PRDM16: variants seen among roughly 807,000 people sequenced by gnomAD.
The protein encoded by PRDM16 is PR/SET domain 16.
Under a neutral mutation model 110.6 loss-of-function variants are expected in PRDM16, and 23 were observed. That is an observed-to-expected ratio of 0.21 (90% CI 0.15 to 0.29). The LOEUF (loss-of-function observed/expected upper bound fraction) is 0.29. Among genes scored for constraint, PRDM16 ranks in the 10% least tolerant of loss-of-function variants. The pLI, the probability that PRDM16 is intolerant of heterozygous loss-of-function variation, is 1.00. For synonymous variants in PRDM16, 799 were observed against 781.8 expected (o/e 1.02, Z -0.37); for missense variants, 1,615 against 1,794.3 (o/e 0.90, Z 1.81).
chr1:3,396,279 C>A, intron 4 of PRDM16: 2 of 629,224 alleles, frequency 3.2e-6, no homozygotes, highest in African/African-American at 3.6e-5. Flanking sequence ...TTATGAATAT[C>A]CTAAAACCCA....
rs117556119 is a variant in PRDM16 at position 3,157,975 on chromosome 1, C to A, written c.38-28150C>A. ...TTACAAATGATAAAAACAATGACTG[C>A]TCATTGCAGAAAATACAGAAACAGA... On this transcript the variant is annotated intron_variant, in intron 1 of 16. Coordinates refer to ENST00000270722, the MANE Select transcript of PRDM16 (RefSeq NM_022114.4). This position sits in a 1 kb window ranked among gnomAD's most constrained non-coding sequence, Gnocchi z 4.8. Among the ~76,000 whole-genome samples, 1 of 152,224 alleles carries A rather than the reference C, an allele frequency of 6.6e-6. No homozygotes were observed. The highest frequency in any genetic ancestry group is 1.5e-5 in the Non-Finnish European group (1 of 68,044).
intron 3 of PRDM16, among the ~76,000 whole-genome samples, chr1:3,291,707 G>C (rs543296439): frequency 2.0e-5 from 3 of 152,254 alleles, no homozygotes; most frequent in African/African-American, 4.8e-5. Flanking sequence ...TTGGCAGTGC[G>C]GGGGAGCTTG....
At position 3,122,388 on chromosome 1, in the gene PRDM16, C is replaced by T. The variant is rs148809974; in HGVS notation, c.37+53092C>T. Among the ~76,000 whole-genome samples the T allele has an allele frequency of 1.9e-3, 289 of 152,288 alleles. 1 individual carries two copies. Among genetic ancestry groups the T allele is most frequent in the Non-Finnish European group, 3.2e-3 (220 of 68,030 alleles). On this transcript the variant is annotated intron_variant, in intron 1 of 16. Coordinates refer to ENST00000270722, the MANE Select transcript of PRDM16 (RefSeq NM_022114.4). ...CCCCCGGAATGGCAGATCCCGGAAA[C>T]AGCAAGTCTCTGCAAATCCCATCAG...
In PRDM16 at chr1:3,356,191, G is replaced by C. The variant is rs946760; in HGVS notation, c.439-28961G>C. Among the ~76,000 whole-genome samples the C allele has an allele frequency of 2.6e-5, 4 of 152,118 alleles. No individual in the cohort carries two copies. The South Asian group carries it at 8.3e-4, about 32-fold the overall frequency. ...CACGTCCTTTCGCACACCAGCACGC[G>C]GGCACAGATGAATCACGCAGGGGGC... On this transcript the variant is annotated intron_variant, in intron 3 of 16. Transcript: ENST00000270722.
Position 3,437,376 on chromosome 1 carries a change from C to T in PRDM16, c.*3565C>T, listed in dbSNP as rs953127872. On this transcript the variant is annotated 3_prime_UTR_variant, in exon 17 of 17. Transcript: ENST00000270722. ...GAATACATATCACGTATTTTAGACT[C>T]GAAGCCTCAAAGCACTGGATTGTGG... 2.6e-5 allele frequency: 6 copies of T among 232,342 alleles called. No homozygotes were observed. The highest frequency in any genetic ancestry group is 5.6e-5 in the Admixed American group (1 of 17,744). The allele number at this position is 232,342 out of a possible 1,614,324, so 14.4% of individuals were successfully genotyped here. A position where few individuals can be genotyped will look rare whatever the true frequency, so the allele number is the denominator to read the frequency against.
At chr1:3,293,344 C>T (rs960228517) in intron 3 of PRDM16, among the ~76,000 whole-genome samples, 1 of 152,234 alleles carries the variant, frequency 6.6e-6, no homozygotes, top group African/African-American at 2.4e-5. Flanking sequence ...TCCCAGGCCA[C>T]CCGTGTGTCA....
chr1:3,124,022 G>A (rs1034547249), intron 1 of PRDM16, among the ~76,000 whole-genome samples: 3 of 152,220 alleles, frequency 2.0e-5, no homozygotes, highest in African/African-American at 7.2e-5. Flanking sequence ...CAGGCTTTGT[G>A]TGGAATGACT....
Position 3,330,531 on chromosome 1 carries a change from A to G in PRDM16, c.439-54621A>G, listed in dbSNP as rs1642020848. Among the ~76,000 whole-genome samples, 3 of 151,940 alleles carry G rather than the reference A, an allele frequency of 2.0e-5. No individual in the cohort carries two copies. The South Asian group carries it at 6.2e-4, about 32-fold the overall frequency. ...CTCGCTCCCTAGGCATCCCCACCAC[A>G]TCCCCTCTCAGCTCAGCGGGGGCTG... On this transcript the variant is annotated intron_variant, in intron 3 of 16. Coordinates refer to ENST00000270722, the MANE Select transcript of PRDM16 (RefSeq NM_022114.4).
At chr1:3,223,056 T>G (rs1458614772) in intron 2 of PRDM16, among the ~76,000 whole-genome samples, 1 of 150,790 alleles carries the variant, frequency 6.6e-6, no homozygotes, top group Non-Finnish European at 1.5e-5. Context: ...AGAGGTATCC[T>G]TGGAGCAGCC....
At chr1:3,431,835 T>C (rs1313063358) in intron 15 of PRDM16, 131 bp from the exon 16 acceptor site, 1 of 849,980 alleles carries the variant, frequency 1.2e-6, no homozygotes, top group Non-Finnish European at 1.9e-6. Flanking sequence ...TGTGTCTGTC[T>C]CCCTGTGCAT....
intron 3 of PRDM16, among the ~76,000 whole-genome samples, chr1:3,251,549 A>G (rs974257865): frequency 8.5e-5 from 13 of 152,088 alleles, no homozygotes; most frequent in African/African-American, 3.1e-4. Flanking sequence ...TGGCACCTGC[A>G]GGGGTCAGGG....
At chr1:3,346,590 A>T (rs1376315687) in intron 3 of PRDM16, among the ~76,000 whole-genome samples, 2 of 151,680 alleles carry the variant, frequency 1.3e-5, no homozygotes, top group Non-Finnish European at 1.5e-5. Context: ...GGCAGGCAAC[A>T]CAGACACCCC....
At chr1:3,125,269 C>G (rs752523357) in intron 1 of PRDM16, among the ~76,000 whole-genome samples, 6 of 152,264 alleles carry the variant, frequency 3.9e-5, no homozygotes, top group Admixed American at 2.0e-4. Context: ...GCGGACGGCC[C>G]AGCCCCTGGG....
At chr1:3,271,669 G>A (rs555276489) in intron 3 of PRDM16, among the ~76,000 whole-genome samples, 1 of 152,272 alleles carries the variant, frequency 6.6e-6, no homozygotes, top group African/African-American at 2.4e-5. Context: ...GCTTTGGCTC[G>A]GGGCAAGCCC....
At chr1:3,141,634 A>G (rs754366949) in intron 1 of PRDM16, among the ~76,000 whole-genome samples, 1 of 152,212 alleles carries the variant, frequency 6.6e-6, no homozygotes, top group African/African-American at 2.4e-5. Flanking sequence ...GCGGGCCACA[A>G]CGTGGTGGCA....
chr1:3,088,938 G>A (rs1404202300), intron 1 of PRDM16, among the ~76,000 whole-genome samples: 3 of 151,804 alleles, frequency 2.0e-5, no homozygotes, highest in Admixed American at 1.3e-4. Context: ...ACATGCCACC[G>A]CGCCCAGCTA....
chr1:3,408,472 A>G (rs1643597896), intron 8 of PRDM16, among the ~76,000 whole-genome samples: 1 of 152,174 alleles, frequency 6.6e-6, no homozygotes, highest in South Asian at 2.1e-4. Flanking sequence ...TTTAATAAGT[A>G]TGCACGTGTG....
intron 3 of PRDM16, among the ~76,000 whole-genome samples, chr1:3,312,039 C>T (rs1163755719): frequency 2.0e-5 from 3 of 152,208 alleles, no homozygotes; most frequent in Admixed American, 6.5e-5. Flanking sequence ...CCCAGGAGTG[C>T]GGCTCATGGG....
In PRDM16 at chr1:3,206,428, G is replaced by C. The variant is rs1638754376; in HGVS notation, c.387+19954G>C. ...AGGCGTGACCTCCAGGCAGCTCCGAGACGGGAAGTGATTGGAGTGTAGGCG... is the reference window on the plus strand; with the variant it reads ...AGGCGTGACCTCCAGGCAGCTCCGACACGGGAAGTGATTGGAGTGTAGGCG... On this transcript the variant is annotated intron_variant, in intron 2 of 16. Transcript: ENST00000270722. This position sits in a 1 kb window ranked among gnomAD's most constrained non-coding sequence, Gnocchi z 4.9. 1 of 152,272 alleles carries C rather than the reference G, an allele frequency of 6.6e-6. No individual in the cohort carries two copies. The allele number at this position is 152,272 out of a possible 1,614,324, so 9.4% of individuals were successfully genotyped here.
Sources: gnomAD v4.1 joint callset for allele counts (sites outside exome capture counted in the v4.1 genomes callset) on GRCh38, gnomAD v4.1.1 for gene constraint, Gnocchi (gnomAD v3.1) non-coding constraint, MANE v1.5 for transcripts, NCBI Gene and HGNC (gene_info 2026-07-23, HGNC 2026-07-21) for gene names.